RFC4: variants seen among roughly 807,000 people sequenced by gnomAD.
RFC4 encodes the protein A1 37 kDa subunit.
RFC4 carries 38 observed loss-of-function variants against 47.6 expected under a neutral mutation model. The observed-to-expected ratio is 0.80, with a 90% CI of 0.62 to 1.05. The LOEUF (loss-of-function observed/expected upper bound fraction) is 1.05. Ranked by LOEUF, RFC4 falls within the 50% of genes least tolerant of loss-of-function variation. The pLI, the probability that RFC4 is intolerant of heterozygous loss-of-function variation, is 0.00. For synonymous variants in RFC4, 164 were observed against 150.0 expected (o/e 1.09, Z -0.68); for missense variants, 489 against 434.0 (o/e 1.13, Z -1.13).
At chr3:186,791,073 AATG>A (rs1369023803) in intron 8 of RFC4, among the ~76,000 whole-genome samples, 1 of 133,632 alleles carries the variant, frequency 7.5e-6, no homozygotes, top group African/African-American at 3.3e-5. Flanking sequence ...CTCTTTAATA[AATG>A]ATTACTGTAA....
chr3:186,803,611 C>T (rs1383782790), intron 2 of RFC4, among the ~76,000 whole-genome samples: 3 of 151,260 alleles, frequency 2.0e-5, no homozygotes, highest in Non-Finnish European at 4.4e-5. Flanking sequence ...TCAAGTGATT[C>T]TCGTGCCTCA....
chr3:186,799,036 A>G (rs1015274804), intron 3 of RFC4, among the ~76,000 whole-genome samples: 1 of 152,254 alleles, frequency 6.6e-6, no homozygotes, highest in African/African-American at 2.4e-5. Context: ...TATGAGATTC[A>G]TAACTTAAAA....
chr3:186,790,920 G>A (rs1221703001), intron 8 of RFC4, among the ~76,000 whole-genome samples: 1 of 150,614 alleles, frequency 6.6e-6, no homozygotes, highest in African/African-American at 2.4e-5. Flanking sequence ...TAGAAACAAA[G>A]AGGATTAGTG....
At chr3:186,800,314 T>A (rs1722326794) in intron 3 of RFC4, among the ~76,000 whole-genome samples, 1 of 152,208 alleles carries the variant, frequency 6.6e-6, no homozygotes, top group South Asian at 2.1e-4. Context: ...AGAAAAAGAT[T>A]CTAAATAGTT....
chr3:186,793,173 C>T lies in RFC4; in HGVS notation c.411-226G>A, dbSNP rs1270543125. ...CTATTAGGAGTCACTCTTCTTCCCCCAGTCATTCCCAGCTCTAGGCAATCA... is the reference window on the plus strand; with the variant it reads ...CTATTAGGAGTCACTCTTCTTCCCCTAGTCATTCCCAGCTCTAGGCAATCA... On this transcript the variant is annotated intron_variant, in intron 5 of 10. Coordinates refer to ENST00000296273, the MANE Select transcript of RFC4 (RefSeq NM_002916.5). The surrounding 1 kb of genome is among the most constrained non-coding windows in gnomAD (Gnocchi z 4.2). 1.3e-5 allele frequency among the ~76,000 whole-genome samples: 2 copies of T among 152,176 alleles called. No individual in the cohort carries two copies. Among genetic ancestry groups the T allele is most frequent in the Admixed American group, 6.5e-5 (1 of 15,282 alleles).
chr3:186,806,030 T>C (rs1030730362), intron 1 of RFC4, among the ~76,000 whole-genome samples: 1 of 152,212 alleles, frequency 6.6e-6, no homozygotes, highest in African/African-American at 2.4e-5. Context: ...TAAAATAAAT[T>C]TTTAATATCT....
At position 186,792,834 on chromosome 3, in the gene RFC4, C is replaced by T. The variant is rs767763764; in HGVS notation, c.524G>A (p.Arg175Gln). ...RTMEKESKTT[R>Q]FCLICNYVSR... Reference sequence around the variant, plus strand: ...GACATAGTTACAGATAAGACAGAATCGGGTGGTTTTCGACTCCTTCTCCAT... The same window carrying T: ...GACATAGTTACAGATAAGACAGAATTGGGTGGTTTTCGACTCCTTCTCCAT... Residue 175 changes from arginine (R) to glutamine (Q), a missense_variant, in exon 6 of 11, where the codon CGA becomes CAA. By Grantham distance (43) the Arg-to-Gln change is conservative (BLOSUM62 1). Around this residue, in one of 2 missense-constraint regions of RFC4, gnomAD observed 206 missense variants for 257.8 expected, o/e 0.80. Transcript: ENST00000296273. The T allele has an allele frequency of 3.7e-6, 6 of 1,613,744 alleles. No individual in the cohort carries two copies. The highest frequency in any genetic ancestry group is 2.2e-5 in the East Asian group (1 of 44,888).
intron 4 of RFC4, among the ~76,000 whole-genome samples, chr3:186,797,055 G>A (rs1156624057): frequency 6.6e-6 from 1 of 152,180 alleles, no homozygotes; most frequent in Non-Finnish European, 1.5e-5. Context: ...TTGTGCTCAG[G>A]AGACCTGAGG....
intron 5 of RFC4, 30 bp downstream of exon 5, chr3:186,794,628 C>T (rs774423035): frequency 6.2e-7 from 1 of 1,604,362 alleles, no homozygotes; most frequent in East Asian, 2.2e-5. Flanking sequence ...ATAATACATG[C>T]TATGGAGGAG....
chr3:186,790,923 G>A (rs1322924534), intron 8 of RFC4, among the ~76,000 whole-genome samples: 1 of 150,812 alleles, frequency 6.6e-6, no homozygotes, highest in East Asian at 1.9e-4. Flanking sequence ...AAACAAAGAG[G>A]ATTAGTGGTA....
intron 3 of RFC4, 41 bp from the exon 4 acceptor site, chr3:186,797,655 G>A: frequency 7.3e-7 from 1 of 1,366,768 alleles, no homozygotes; most frequent in Non-Finnish European, 1.0e-6. Flanking sequence ...TGGTATTCTG[G>A]CACAAATAGA....
intron 4 of RFC4, 39 bp downstream of exon 4, chr3:186,797,496 A>G: frequency 7.2e-7 from 1 of 1,391,540 alleles, no homozygotes; most frequent in South Asian, 1.3e-5. Flanking sequence ...TTTGGTGTCA[A>G]ATCTTTAAAA....
intron 4 of RFC4, 86 bp downstream of exon 4, chr3:186,797,449 G>A (rs772790455): frequency 5.0e-5 from 46 of 919,532 alleles, no homozygotes; most frequent in East Asian, 9.8e-5. Flanking sequence ...AAAACGAAAC[G>A]CAAATTTTTA....
chr3:186,804,621 C>T lies in RFC4; in HGVS notation c.93G>A (p.Glu31=), dbSNP rs1405120969. 1.9e-6 allele frequency: 3 copies of T among 1,613,890 alleles called. No homozygotes were observed. Among genetic ancestry groups the T allele is most frequent in the South Asian group, 1.1e-5 (1 of 91,052 alleles). ...AGGGAACGGGTTTGGCTTTCTTGTT[C>T]TCTCCGCTACTTCCCGCACTGGCAG... is the stretch of plus-strand genomic sequence containing the variant. The part of the protein sequence containing the change: ...GVAASAGSSG[E]NKKAKPVPWV... The change falls in exon 2 of 11, where the codon GAG becomes GAA. Residue 31 remains glutamate, a synonymous_variant. Coordinates refer to ENST00000296273, the MANE Select transcript of RFC4 (RefSeq NM_002916.5).
At chr3:186,795,850 G>A (rs1411540949) in intron 4 of RFC4, among the ~76,000 whole-genome samples, 1 of 152,064 alleles carries the variant, frequency 6.6e-6, no homozygotes, top group African/African-American at 2.4e-5. Context: ...TTGCTATAAG[G>A]AAACCTACTG....
At chr3:186,791,622 G>GT in intron 8 of RFC4, 103 bp downstream of exon 8, 1 of 976,582 alleles carries the variant, frequency 1.0e-6, no homozygotes, top group South Asian at 1.3e-5. Flanking sequence ...TCCTAGTGCA[G>GT]TACTTGGCAC....
At chr3:186,792,401 G>T in intron 7 of RFC4, 89 bp downstream of exon 7, 1 of 1,166,370 alleles carries the variant, frequency 8.6e-7, no homozygotes. Flanking sequence ...CAGGATTGAG[G>T]CAACACACAT....
rs1194109829 is a variant in RFC4 at position 186,792,494 on chromosome 3, TC to T, written c.670del (p.Asp224MetfsTer4). The T allele has an allele frequency of 3.1e-6, 5 of 1,610,664 alleles. No homozygotes were observed. Among genetic ancestry groups the T allele is most frequent in the Non-Finnish European group, 4.2e-6 (5 of 1,176,968 alleles). Reference sequence around the variant, plus strand: ...ATTGTAATAATTAGTAATTACCTCATCACTAATTTTGACATTTTCCTTCTTG... The same window carrying T: ...ATTGTAATAATTAGTAATTACCTCATACTAATTTTGACATTTTCCTTCTTG... ...IAKKENVKISDEGIAYLVKVS... is the reference protein window; with the variant it reads ...IAKKENVKISXEGIAYLVKVS... On this transcript the variant is annotated frameshift_variant, in exon 7 of 11. Transcript: ENST00000296273. LOFTEE classifies it high-confidence loss of function.
At chr3:186,791,159 T>C (rs1436849652) in intron 8 of RFC4, among the ~76,000 whole-genome samples, 1 of 152,226 alleles carries the variant, frequency 6.6e-6, no homozygotes, top group Admixed American at 6.5e-5. Flanking sequence ...CTAAAATTGA[T>C]TTAACTGCCA....
Sources: allele counts gnomAD v4.1 joint callset (sites outside exome capture counted in the v4.1 genomes callset), GRCh38; gene constraint gnomAD v4.1.1; regional missense constraint gnomAD v4.1.1; non-coding constraint Gnocchi (gnomAD v3.1); transcripts MANE v1.5; gene names NCBI Gene and HGNC (gene_info 2026-07-23, HGNC 2026-07-21).